The following C14orf39 variants were observed in gnomAD, a reference collection of about 807,000 sequenced individuals.
C14orf39 encodes protein SIX6OS1.
A neutral mutation model predicts 85.6 loss-of-function variants in C14orf39; 66 were observed. The ratio of observed to expected loss-of-function variants is 0.77; its 90% CI spans 0.63 to 0.95. C14orf39 has a LOEUF of 0.95. C14orf39 is among the 40% of genes least tolerant of loss of function. C14orf39 has a pLI of 0.00. For missense variants in C14orf39, 735 were observed against 663.9 expected, an observed-to-expected ratio of 1.11 and a Z score of -1.18; for synonymous variants, 242 against 214.0, an observed-to-expected ratio of 1.13 and a Z score of -1.14.
At chr14:60,497,962 T>C (rs1342451525) in intron 2 of C14orf39, among the ~76,000 whole-genome samples, 1 of 151,774 alleles carries the variant, frequency 6.6e-6, no homozygotes, top group African/African-American at 2.4e-5. Flanking sequence ...GTAGTCTAAG[T>C]TGGGTTTCTA....
intron 17 of C14orf39, among the ~76,000 whole-genome samples, chr14:60,439,234 T>C (rs1391964955): frequency 2.0e-5 from 3 of 152,076 alleles, no homozygotes; most frequent in Non-Finnish European, 4.4e-5. Flanking sequence ...ATTAGAAAAG[T>C]AGAAGCATAA....
rs192689938 is a variant in C14orf39, at chr14:60,477,034, T to A, written c.323+1266A>T. 7.3e-3 allele frequency among the ~76,000 whole-genome samples: 1,117 copies of A among 152,314 alleles called. 19 individuals are homozygous for A. Among genetic ancestry groups the A allele is most frequent in the African/African-American group, 0.026 (1,082 of 41,566 alleles). On this transcript the variant is annotated intron_variant, in intron 5 of 17. Transcript: ENST00000321731. Reference sequence around the variant, plus strand: ...TTCAACTTCCTATATTTTCCTTACTTCCCTGCAGCCTTGATTTTTAATCTA... The same window carrying A: ...TTCAACTTCCTATATTTTCCTTACTACCCTGCAGCCTTGATTTTTAATCTA...
At chr14:60,477,618 G>T (rs1422941472) in intron 5 of C14orf39, among the ~76,000 whole-genome samples, 1 of 152,088 alleles carries the variant, frequency 6.6e-6, no homozygotes, top group Admixed American at 6.6e-5. Context: ...CTAAAAAACA[G>T]AAGTTTGATA....
intron 1 of C14orf39, chr14:60,514,979 G>C (rs181969222): frequency 6.6e-6 from 1 of 152,516 alleles, no homozygotes; most frequent in Admixed American, 6.5e-5. Flanking sequence ...CAATGCGCGG[G>C]GCCGCGGGGT....
At position 60,511,138 on chromosome 14, in the gene C14orf39, C is replaced by T. The variant is rs778422614; in HGVS notation, c.-144+4257G>A. On this transcript the variant is annotated intron_variant, in intron 1 of 5. Coordinates refer to the C14orf39 transcript ENST00000556799. ...CCGGGCGGGCACTACGGGCGGAGGG[C>T]GACGGCACGCCAGAGGTGCTGGGCG... The T allele has an allele frequency of 6.2e-7, 1 of 1,612,774 alleles. No individual in the cohort carries two copies. Among genetic ancestry groups the T allele is most frequent in the Non-Finnish European group, 8.5e-7 (1 of 1,179,874 alleles).
At chr14:60,482,370 A>T (rs1595485704) in intron 4 of C14orf39, among the ~76,000 whole-genome samples, 1 of 152,356 alleles carries the variant, frequency 6.6e-6, no homozygotes, top group East Asian at 1.9e-4. Flanking sequence ...TTAAACACTG[A>T]CAATTCCAGT....
intron 5 of C14orf39, among the ~76,000 whole-genome samples, chr14:60,473,644 A>G (rs956121269): frequency 6.6e-6 from 1 of 152,142 alleles, no homozygotes; most frequent in African/African-American, 2.4e-5. Context: ...TCCCAGCACC[A>G]TTTATTAAAT....
Position 60,503,489 on chromosome 14 carries a change from G to A in C14orf39, c.-143-4059C>T, listed in dbSNP as rs138643705. Among the ~76,000 whole-genome samples, 246 of 152,258 alleles carry A rather than the reference G, an allele frequency of 1.6e-3. 3 individuals are homozygous for A. In the East Asian group the frequency reaches 0.035, roughly 22 times the overall value. On this transcript the variant is annotated intron_variant, in intron 1 of 5. Transcript: ENST00000556799. ...ATTTTCCTTGAGTAAAAAAAGTAAG[G>A]TATATAATGGATACAAGTTTGAGTC...
chr14:60,443,606 A>C (rs980037192), intron 16 of C14orf39, among the ~76,000 whole-genome samples: 2 of 152,230 alleles, frequency 1.3e-5, no homozygotes, highest in Non-Finnish European at 2.9e-5. Context: ...ACAGCTGAAC[A>C]AAAGGCAATA....
rs1595433393 is a variant in C14orf39 at position 60,436,791 on chromosome 14, T to G, written c.*54A>C. ...TCATGTTTTAAGCAATAATGTAAAT[T>G]TATGCCCTCATGAACACAGAACAGT... On this transcript the variant is annotated 3_prime_UTR_variant, in exon 18 of 18. Coordinates refer to ENST00000321731, the MANE Select transcript of C14orf39 (RefSeq NM_174978.3). The G allele has an allele frequency of 1.7e-6, 2 of 1,207,092 alleles. No individual in the cohort carries two copies. Among genetic ancestry groups the G allele is most frequent in the Non-Finnish European group, 2.4e-6 (2 of 840,062 alleles). 74.8% of individuals were successfully genotyped at this position (1,207,092 alleles called of 1,614,324 possible).
chr14:60,436,865 T>C lies in C14orf39; in HGVS notation c.1744A>G (p.Thr582Ala), dbSNP rs1890272874. ...KGFSSSSQNT[T>A]QFTFF ...CTAGCTCAAAAAAAAGTAAACTGTG[T>C]TGTATTTTGTGAGGAAGATGAAAAA... The change falls in exon 18 of 18, where the codon ACA becomes GCA. Residue 582 changes from threonine (T) to alanine (A), a missense_variant. Transcript: ENST00000321731. 7 of 1,609,358 alleles carry C rather than the reference T, an allele frequency of 4.3e-6. No individual in the cohort carries two copies. The highest frequency in any genetic ancestry group is 3.3e-5 in the South Asian group (3 of 90,736).
chr14:60,504,048 G>A (rs1893176331), intron 1 of C14orf39, among the ~76,000 whole-genome samples: 1 of 152,146 alleles, frequency 6.6e-6, no homozygotes, highest in Non-Finnish European at 1.5e-5. Context: ...TCTCTGGCCT[G>A]CACCCACTAG....
intron 5 of C14orf39, among the ~76,000 whole-genome samples, chr14:60,475,722 T>C (rs2140138304): frequency 6.6e-6 from 1 of 152,276 alleles, no homozygotes; most frequent in Admixed American, 6.5e-5. Flanking sequence ...CCAAAAAAGC[T>C]TGCCAACTCT....
chr14:60,465,909 G>C, intron 11 of C14orf39, 70 bp downstream of exon 11: 2 of 700,736 alleles, frequency 2.9e-6, no homozygotes, highest in Non-Finnish European at 4.6e-6. Context: ...TGTCTTAAGG[G>C]CAGTACATTC....
chr14:60,479,981 A>T (rs1413166559), intron 4 of C14orf39, among the ~76,000 whole-genome samples: 3 of 152,240 alleles, frequency 2.0e-5, no homozygotes, highest in Admixed American at 6.5e-5. Flanking sequence ...CAATGGGCAA[A>T]GGATCTGAAT....
intron 2 of C14orf39, among the ~76,000 whole-genome samples, chr14:60,492,472 T>C (rs987218488): frequency 1.1e-4 from 16 of 151,652 alleles, no homozygotes; most frequent in African/African-American, 3.9e-4. Context: ...GCTACAAAAA[T>C]AAAAAATAAA....
In C14orf39 at chr14:60,457,084, A is replaced by C; in HGVS notation, c.1191T>G (p.Thr397=). 6.4e-7 allele frequency: 1 copy of C among 1,570,502 alleles called. No homozygotes were observed. Among genetic ancestry groups the C allele is most frequent in the Non-Finnish European group, 8.6e-7 (1 of 1,162,170 alleles). Residue 397 remains threonine (T), a synonymous_variant, in exon 15 of 18, where the codon ACT becomes ACG. Transcript: ENST00000321731. ...TTTCTACTGACTTCCCAAAATGTTC[A>C]GTATATATAGCCTGCAAATTCAAAG... is the stretch of plus-strand genomic sequence containing the variant. The part of the protein sequence containing the change: ...ESKCTSQAIY[T]EHFGKSVEND...
At chr14:60,487,836 TGTG>T (rs1892927114), upstream of C14orf39, among the ~76,000 whole-genome samples, 1 of 152,182 alleles carries the variant, frequency 6.6e-6, no homozygotes, top group Admixed American at 6.5e-5. Flanking sequence ...CGTATCCTAT[TGTG>T]GTTTTGATTT....
chr14:60,483,761 T>G lies in C14orf39; in HGVS notation c.163A>C (p.Ile55Leu). The change falls in exon 4 of 18, where the codon ATA becomes CTA. Residue 55 changes from isoleucine to leucine, a missense_variant. Physicochemically the swap from Ile to Leu is conservative, Grantham distance 5. Transcript: ENST00000321731. The stretch of plus-strand genomic sequence containing the variant: ...TCAATTTCCTCATCTGTTGCATTTA[T>G]AGTTTCGTGTATCCTACAAATAGTT... ...KVTICRIHET[I>L]NATDEEIDHY... 1 of 1,573,260 alleles carries G rather than the reference T, an allele frequency of 6.4e-7. No individual in the cohort carries two copies. Among genetic ancestry groups the G allele is most frequent in the Non-Finnish European group, 8.7e-7 (1 of 1,145,564 alleles).
Sources: allele counts gnomAD v4.1 joint callset (sites outside exome capture counted in the v4.1 genomes callset), GRCh38; gene constraint gnomAD v4.1.1; transcripts MANE v1.5; gene names NCBI Gene and HGNC (gene_info 2026-07-23, HGNC 2026-07-21).